The following JUP variants were observed in gnomAD, a reference collection of about 807,000 sequenced individuals.
JUP encodes the protein junction plakoglobin, also known as catenin (cadherin-associated protein), gamma 80kDa.
A neutral mutation model predicts 71.1 loss-of-function variants in JUP; 28 were observed. That is an observed-to-expected ratio of 0.39 (90% CI 0.29 to 0.54). JUP has a LOEUF of 0.54. Among genes scored for constraint, JUP ranks in the 20% least tolerant of loss-of-function variants. JUP has a pLI of 0.62. For synonymous variants in JUP, 401 were observed against 438.9 expected (o/e 0.91, Z 1.08); for missense variants, 869 against 1,030.1 (o/e 0.84, Z 2.14).
In JUP at chr17:41,769,205, C is replaced by G. The variant is rs782015105; in HGVS notation, c.471G>C (p.Val157=). 2 of 1,600,268 alleles carry G rather than the reference C, an allele frequency of 1.2e-6. No homozygotes were observed. Among genetic ancestry groups the G allele is most frequent in the South Asian group, 1.1e-5 (1 of 91,032 alleles). The change falls in exon 4 of 14, where the codon GTG becomes GTC. Residue 157 remains valine (V), a splice_region_variant and synonymous_variant. Transcript: ENST00000393931. ...CAATCATGGCCGCCTTGGTCACCACCACCTGGAGGGCAAAGGCAGGGGCGG... is the reference window on the plus strand; with the variant it reads ...CAATCATGGCCGCCTTGGTCACCACGACCTGGAGGGCAAAGGCAGGGGCGG... ...LTKLLNDEDP[V]VVTKAAMIVN... is the part of the protein sequence containing the mutation.
intron 12 of JUP, 33 bp from the exon 13 acceptor site, chr17:41,756,247 T>C (rs1913719300): frequency 8.8e-6 from 14 of 1,586,172 alleles, no homozygotes; most frequent in Non-Finnish European, 1.2e-5. Context: ...GGAGGGGAGG[T>C]TTGAAAATGC....
At chr17:41,776,835 T>C (rs1374571881) in intron 1 of JUP, among the ~76,000 whole-genome samples, 1 of 151,974 alleles carries the variant, frequency 6.6e-6, no homozygotes, top group Admixed American at 6.6e-5. Context: ...TGAAACCCCA[T>C]CTCTACTAAA....
chr17:41,756,476 T>G (rs1395771644), intron 12 of JUP, among the ~76,000 whole-genome samples: 2 of 152,118 alleles, frequency 1.3e-5, no homozygotes, highest in African/African-American at 4.8e-5. Flanking sequence ...GGTGCAGGCC[T>G]GTAATCCCAG....
At chr17:41,757,816 AGGTGGAAAGGGGT>A in intron 10 of JUP, 32 bp from the exon 11 acceptor site, 2 of 1,582,124 alleles carry the variant, frequency 1.3e-6, no homozygotes, top group Non-Finnish European at 1.7e-6. Context: ...AGCAGGGGAG[AGGTGGAAAGGGGT>A]GAGGCAGGCC....
In JUP at chr17:41,755,761, C is replaced by T; in HGVS notation, c.2221G>A (p.Asp741Asn). 1 of 1,601,790 alleles carries T rather than the reference C, an allele frequency of 6.2e-7. No homozygotes were observed. The change falls in exon 14 of 14, where the codon GAC (aspartate) becomes AAC (asparagine). Residue 741 changes from aspartate (D) to asparagine (N), a missense_variant. Physicochemically the swap from Asp to Asn is conservative, Grantham distance 23. Transcript: ENST00000393931. ...CAGGCCGCCTAGGCCAGCATGTGGT[C>T]TGCAGTGGGGTACGGGGGCCTGAGG... ...DGLRPPYPTA[D>N]HMLA
At position 41,765,070 on chromosome 17, in the gene JUP, A is replaced by G; in HGVS notation, c.910-3T>C. 1 of 1,614,034 alleles carries G rather than the reference A, an allele frequency of 6.2e-7. No homozygotes were observed. The highest frequency in any genetic ancestry group is 2.2e-5 in the East Asian group (1 of 44,876). ...CCACCATTGGCCAGGATGATCAGCT[A>G]TGGGTAAAGAGGGAATGAGTGTGAG... On this transcript the variant is annotated splice_region_variant and splice_polypyrimidine_tract_variant and intron_variant, in intron 5 of 13. Transcript: ENST00000393931.
intron 1 of JUP, among the ~76,000 whole-genome samples, chr17:41,776,241 A>G (rs1025813316): frequency 3.3e-5 from 5 of 152,274 alleles, no homozygotes; most frequent in African/African-American, 1.2e-4. Flanking sequence ...CCAGGCTCAG[A>G]CAGCGACAGG....
chr17:41,768,005 G>A (rs1358841651), intron 4 of JUP, among the ~76,000 whole-genome samples: 3 of 152,248 alleles, frequency 2.0e-5, no homozygotes, highest in East Asian at 1.9e-4. Context: ...GCTCACGTCT[G>A]TAAACTCAGC....
rs1202474437 is a variant in JUP, at chr17:41,769,287, C to T, written c.469-80G>A. 3.2e-6 allele frequency: 5 copies of T among 1,554,114 alleles called. No individual in the cohort carries two copies. In the Admixed American group the frequency reaches 8.3e-5, roughly 26 times the overall value. On this transcript the variant is annotated intron_variant, in intron 3 of 13. Coordinates refer to ENST00000393931, the MANE Select transcript of JUP (RefSeq NM_002230.4). ...CCTTCCACAGAGCTGAGGAGGGCCC[C>T]AGTCAGACTCATCACACACGGGAGA... is the stretch of plus-strand genomic sequence containing the variant.
chr17:41,762,230 C>CT (rs201781343), intron 8 of JUP, among the ~76,000 whole-genome samples: 62 of 114,028 alleles, frequency 5.4e-4, no homozygotes, highest in African/African-American at 1.6e-3. Flanking sequence ...TTTGTTTGGG[C>CT]TTTTTTTTTT....
chr17:41,766,354 G>A (rs55999837), intron 5 of JUP, among the ~76,000 whole-genome samples: 89,251 of 151,524 alleles, frequency 0.59, 28,400 homozygotes, highest in Non-Finnish European at 0.73. Flanking sequence ...GAGGGGGAAA[G>A]GGGAAAGGAA....
intron 7 of JUP, among the ~76,000 whole-genome samples, chr17:41,763,648 A>T (rs1342129866): frequency 6.6e-6 from 1 of 152,006 alleles, no homozygotes; most frequent in Non-Finnish European, 1.5e-5. Flanking sequence ...ACCCAGGCAG[A>T]ACCCTCCTCA....
intron 6 of JUP, 53 bp downstream of exon 6, chr17:41,764,870 T>C (rs988555778): frequency 6.2e-7 from 1 of 1,613,732 alleles, no homozygotes; most frequent in Non-Finnish European, 8.5e-7. Flanking sequence ...TGACTGAGCC[T>C]GGCAGCTGGG....
chr17:41,765,282 C>T (rs1298061877), intron 5 of JUP, among the ~76,000 whole-genome samples: 1 of 152,142 alleles, frequency 6.6e-6, no homozygotes, highest in Non-Finnish European at 1.5e-5. Context: ...GTGATCCTCA[C>T]ACCTCAGCCT....
chr17:41,766,302 AGAGG>A lies in JUP; in HGVS notation c.909+1073_909+1076del, dbSNP rs1374649883. Among the ~76,000 whole-genome samples, 57 of 150,736 alleles carry A rather than the reference AGAGG, an allele frequency of 3.8e-4. No homozygotes were observed. In the East Asian group the frequency reaches 8.4e-3, roughly 22 times the overall value. ...GGAAGGAAGGAAGAAAGAGAGGAAG[AGAGG>A]GAAAGGAAAAGGAAAAGGAAAAGGA... On this transcript the variant is annotated intron_variant, in intron 5 of 13. Transcript: ENST00000393931.
rs1555603330 is a variant in JUP, at chr17:41,764,933, A to G, written c.1044T>C (p.Ile348=). The change falls in exon 6 of 14, where the codon ATT becomes ATC. Residue 348 remains isoleucine, a synonymous_variant. Transcript: ENST00000393931. ...LSVCPSNKPA[I]VEAGGMQALG... ...GGCCATCATACTCACCAGCCTCCAC[A>G]ATGGCAGGCTTATTGCTGGGACACA... The G allele has an allele frequency of 1.9e-6, 3 of 1,614,138 alleles. No homozygotes were observed. Among genetic ancestry groups the G allele is most frequent in the Non-Finnish European group, 2.5e-6 (3 of 1,180,014 alleles).
chr17:41,776,513 C>T (rs1424858507), intron 1 of JUP, among the ~76,000 whole-genome samples: 3 of 152,030 alleles, frequency 2.0e-5, no homozygotes, highest in Non-Finnish European at 2.9e-5. Flanking sequence ...CCCAGGAGTT[C>T]GAAACCAGCC....
At chr17:41,780,783 G>A (rs956649134) in intron 1 of JUP, among the ~76,000 whole-genome samples, 4 of 152,020 alleles carry the variant, frequency 2.6e-5, no homozygotes, top group East Asian at 3.9e-4. Flanking sequence ...GGTGGCTCAC[G>A]CTTATAATCC....
In JUP at chr17:41,769,650, G is replaced by C; in HGVS notation, c.236C>G (p.Thr79Arg). The C allele has an allele frequency of 1.2e-6, 2 of 1,608,462 alleles. No homozygotes were observed. Among genetic ancestry groups the C allele is most frequent in the Non-Finnish European group, 1.7e-6 (2 of 1,178,252 alleles). ...QGDLEYQMST[T>R]ARAKRVREAM... ...CTCCCGCACCCGTTTGGCCCTGGCT[G>C]TTGTGGACATCTGGTACTCCAGATC... The change falls in exon 3 of 14, where the codon ACA (threonine) becomes AGA (arginine). Residue 79 changes from threonine to arginine, a missense_variant. Coordinates refer to ENST00000393931, the MANE Select transcript of JUP (RefSeq NM_002230.4).
Sources: allele counts gnomAD v4.1 joint callset (sites outside exome capture counted in the v4.1 genomes callset), GRCh38; gene constraint gnomAD v4.1.1; transcripts MANE v1.5; gene names NCBI Gene and HGNC (gene_info 2026-07-23, HGNC 2026-07-21).